Variants in PPP1R9B observed in about 807,000 individuals in gnomAD.
The protein encoded by PPP1R9B is neurabin-2.
Under a neutral mutation model 75.8 loss-of-function variants are expected in PPP1R9B, and 17 were observed. That is an observed-to-expected ratio of 0.22 (90% confidence interval 0.15 to 0.34). PPP1R9B has a LOEUF of 0.34. Ranked by LOEUF, PPP1R9B falls within the 10% of genes least tolerant of loss-of-function variation. PPP1R9B has a pLI of 1.00. For synonymous variants in PPP1R9B, 509 were observed against 535.4 expected, an observed-to-expected ratio of 0.95 and a Z score of 0.68; for missense variants, 875 against 1,196.0, an observed-to-expected ratio of 0.73 and a Z score of 3.96.
At position 50,136,142 on chromosome 17, in the gene PPP1R9B, T is replaced by A; in HGVS notation, c.2129A>T (p.Glu710Val). Residue 710 changes from glutamate (E) to valine (V), a missense_variant, in exon 8 of 10, where the codon GAG (glutamate) becomes GTG (valine). Transcript: ENST00000612501. ...GRWRVEKAQL[E>V]QSVEENKERM... ...CTCCTTGTTCTCCTCCACACTCTGC[T>A]CCAACTGCGCCTTCTCCACCCGCCA... is the stretch of plus-strand genomic sequence containing the variant. The A allele has an allele frequency of 6.2e-7, 1 of 1,605,876 alleles. No individual in the cohort carries two copies. Among genetic ancestry groups the A allele is most frequent in the Non-Finnish European group, 8.5e-7 (1 of 1,179,804 alleles).
At position 50,150,549 on chromosome 17, in the gene PPP1R9B, C is replaced by T. The variant is rs1463358172; in HGVS notation, c.-36G>A. The T allele has an allele frequency of 4.7e-6, 6 of 1,273,942 alleles. No individual in the cohort carries two copies. Among genetic ancestry groups the T allele is most frequent in the Admixed American group, 8.4e-5 (2 of 23,766 alleles). 78.9% of individuals were successfully genotyped at this position (1,273,942 alleles called of 1,614,324 possible). A position where few individuals can be genotyped will look rare whatever the true frequency, so the allele number is the denominator to read the frequency against. ...GCCGGGTTCGCATGCCCCTGCTCCC[C>T]GCTCCCCCGCTTCAACAGGCGGCTG... is the stretch of plus-strand genomic sequence containing the variant. On this transcript the variant is annotated 5_prime_UTR_variant, in exon 1 of 10. Transcript: ENST00000612501. The surrounding 1 kb of genome is among the most constrained non-coding windows in gnomAD (Gnocchi z 8.7).
In PPP1R9B at chr17:50,139,426, C is replaced by T. The variant is rs1054477621; in HGVS notation, c.2019+3G>A. 6.2e-7 allele frequency: 1 copy of T among 1,610,374 alleles called. No homozygotes were observed. The highest frequency in any genetic ancestry group is 1.3e-5 in the African/African-American group (1 of 75,020). On this transcript the variant is annotated splice_donor_region_variant and intron_variant, in intron 6 of 9. Coordinates refer to ENST00000612501, the MANE Select transcript of PPP1R9B (RefSeq NM_032595.5). This position sits in a 1 kb window ranked among gnomAD's most constrained non-coding sequence, Gnocchi z 5.0. Reference sequence around the variant, plus strand: ...CACCACTCCAGGGAGCCCCTCCTCCCACCTCCTTGAACTTGTGCACCAGCT... The same window carrying T: ...CACCACTCCAGGGAGCCCCTCCTCCTACCTCCTTGAACTTGTGCACCAGCT...
chr17:50,147,865 C>G (rs979530706), intron 1 of PPP1R9B, among the ~76,000 whole-genome samples: 6 of 152,102 alleles, frequency 3.9e-5, no homozygotes, highest in Non-Finnish European at 5.9e-5. Context: ...GGGGCAGAGG[C>G]TGACATTCTG....
chr17:50,139,833 T>G lies in PPP1R9B; in HGVS notation c.1867-252A>C, dbSNP rs559158987. 2.0e-5 allele frequency among the ~76,000 whole-genome samples: 3 copies of G among 152,330 alleles called. No individual in the cohort carries two copies. The highest frequency in any genetic ancestry group is 7.2e-5 in the African/African-American group (3 of 41,578). ...CTCTGAAGAAACAGCCTGTACTATC[T>G]TTCCCCTTCTGGATCTATCTCCCTT... On this transcript the variant is annotated intron_variant, in intron 5 of 9. Transcript: ENST00000612501. This position sits in a 1 kb window ranked among gnomAD's most constrained non-coding sequence, Gnocchi z 5.0.
rs745429876 is a variant in PPP1R9B at position 50,149,436 on chromosome 17, C to G, written c.1078G>C (p.Ala360Pro). Residue 360 changes from alanine (A) to proline (P), a missense_variant, in exon 1 of 10, where the codon GCG (alanine) becomes CCG (proline). By Grantham distance (27) the Ala-to-Pro change is conservative (BLOSUM62 -1). Around this residue, in one of 4 missense-constraint regions of PPP1R9B, gnomAD observed 449 missense variants for 475.0 expected, o/e 0.95. Coordinates refer to ENST00000612501, the MANE Select transcript of PPP1R9B (RefSeq NM_032595.5). This position sits in a 1 kb window ranked among gnomAD's most constrained non-coding sequence, Gnocchi z 7.2. ...AAPEKEAAAV[A>P]PPERGVGNGR... is the part of the protein sequence containing the mutation. The stretch of plus-strand genomic sequence containing the variant: ...TTGCCCACCCCCCTCTCTGGCGGCG[C>G]TACCGCCGCCGCCTCCTTCTCCGGG... The G allele has an allele frequency of 1.2e-6, 2 of 1,606,838 alleles. No individual in the cohort carries two copies. The highest frequency in any genetic ancestry group is 1.3e-5 in the African/African-American group (1 of 74,484).
At chr17:50,148,999 C>G (rs866886839) in intron 1 of PPP1R9B, 144 bp downstream of exon 1, 144 of 576,324 alleles carry the variant, frequency 2.5e-4, no homozygotes, top group African/African-American at 2.3e-3. Context: ...CCCACGCCCC[C>G]CTGAGGGTGG....
chr17:50,143,529 G>A lies in PPP1R9B; in HGVS notation c.1625+69C>T. ...GGCCCGCCCCACCCCCTGCTCAGTGGCCCACCCCACCAAGGATGGCCGGTC... is the reference window on the plus strand; with the variant it reads ...GGCCCGCCCCACCCCCTGCTCAGTGACCCACCCCACCAAGGATGGCCGGTC... On this transcript the variant is annotated intron_variant, in intron 3 of 9. Transcript: ENST00000612501. 4 of 1,590,078 alleles carry A rather than the reference G, an allele frequency of 2.5e-6. No individual in the cohort carries two copies. In the South Asian group the frequency reaches 4.5e-5, roughly 18 times the overall value.
chr17:50,136,697 G>T (rs1466913802), intron 7 of PPP1R9B, among the ~76,000 whole-genome samples: 1 of 151,998 alleles, frequency 6.6e-6, no homozygotes, highest in Non-Finnish European at 1.5e-5. Flanking sequence ...CAGCTTCCAG[G>T]TGACCCCAGC....
chr17:50,140,407 C>T, intron 4 of PPP1R9B, 179 bp from the exon 5 acceptor site: 2 of 838,332 alleles, frequency 2.4e-6, no homozygotes, highest in South Asian at 3.6e-5. Flanking sequence ...TATCAGGTTT[C>T]CTTCCCAAGG....
intron 1 of PPP1R9B, among the ~76,000 whole-genome samples, chr17:50,147,221 C>G (rs1403791097): frequency 6.6e-6 from 1 of 152,206 alleles, no homozygotes; most frequent in Non-Finnish European, 1.5e-5. Flanking sequence ...GGCTGCCCAC[C>G]ATGATATGCC....
chr17:50,140,376 G>T, intron 4 of PPP1R9B, 148 bp from the exon 5 acceptor site: 1 of 1,005,338 alleles, frequency 9.9e-7, no homozygotes, highest in Non-Finnish European at 1.4e-6. Flanking sequence ...TGTTAATAAT[G>T]AATGGGGGAA....
In PPP1R9B at chr17:50,150,161, G is replaced by A. The variant is rs1912656790; in HGVS notation, c.353C>T (p.Ser118Leu). 2.8e-6 allele frequency: 4 copies of A among 1,448,694 alleles called. No homozygotes were observed. In the African/African-American group the frequency reaches 4.4e-5, roughly 16 times the overall value. 89.7% of individuals were successfully genotyped at this position (1,448,694 alleles called of 1,614,324 possible). A position where few individuals can be genotyped will look rare whatever the true frequency, so the allele number is the denominator to read the frequency against. ...GGAGTCGAAGCGGCTCACGCGCTCC[G>A]ACACGCTGGTGCCCAGCTTCAGCAG... is the stretch of plus-strand genomic sequence containing the variant. ...SALLKLGTSV[S>L]ERVSRFDSKP... is the part of the protein sequence containing the mutation. Residue 118 changes from serine to leucine, a missense_variant, in exon 1 of 10, where the codon TCG becomes TTG. Ser to Leu is a moderately radical substitution (Grantham distance 145). Transcript: ENST00000612501. The surrounding 1 kb of genome is among the most constrained non-coding windows in gnomAD (Gnocchi z 8.7).
Position 50,149,126 on chromosome 17 carries a change from CGGGGGGG to C in PPP1R9B, c.1371+10_1371+16del, listed in dbSNP as rs1405554427. Reference sequence around the variant, plus strand: ...TGGCAGGGGCGGCGCGGGGGCAGGGCGGGGGGGCTCACTTACTTGGATGGGCGCCGTG... The same window carrying C: ...TGGCAGGGGCGGCGCGGGGGCAGGGCCTCACTTACTTGGATGGGCGCCGTG... On this transcript the variant is annotated intron_variant, in intron 1 of 9. Transcript: ENST00000612501. This position sits in a 1 kb window ranked among gnomAD's most constrained non-coding sequence, Gnocchi z 7.2. 2.5e-5 allele frequency: 28 copies of C among 1,108,518 alleles called. No homozygotes were observed. Among genetic ancestry groups the C allele is most frequent in the Non-Finnish European group, 3.3e-5 (28 of 839,524 alleles). The allele number at this position is 1,108,518 out of a possible 1,614,324, so 68.7% of individuals were successfully genotyped here.
chr17:50,140,028 G>C, intron 5 of PPP1R9B, 65 bp downstream of exon 5: 1 of 1,560,944 alleles, frequency 6.4e-7, no homozygotes, highest in Non-Finnish European at 8.7e-7. Flanking sequence ...AGAGGCAGAT[G>C]ACTGTAATGC....
At chr17:50,138,617 T>C (rs1037273951) in intron 7 of PPP1R9B, among the ~76,000 whole-genome samples, 1 of 152,140 alleles carries the variant, frequency 6.6e-6, no homozygotes, top group South Asian at 2.1e-4. Flanking sequence ...ACAGCTAATA[T>C]ACTGACTTTT....
At position 50,140,089 on chromosome 17, in the gene PPP1R9B, C is replaced by T. The variant is rs1217760785; in HGVS notation, c.1866+4G>A. 17 of 1,613,020 alleles carry T rather than the reference C, an allele frequency of 1.1e-5. No homozygotes were observed. The highest frequency in any genetic ancestry group is 6.7e-5 in the East Asian group (3 of 44,866). On this transcript the variant is annotated splice_donor_region_variant and intron_variant, in intron 5 of 9. Coordinates refer to ENST00000612501, the MANE Select transcript of PPP1R9B (RefSeq NM_032595.5). The stretch of plus-strand genomic sequence containing the variant: ...ACGCGGCCAGCCAGGCAGGGACTCC[C>T]TACCTCCTCGTCATCCTCCCCATAC...
At chr17:50,135,508 C>T (rs941908004) in intron 9 of PPP1R9B, 45 bp downstream of exon 9, 2 of 1,589,730 alleles carry the variant, frequency 1.3e-6, no homozygotes, top group Non-Finnish European at 1.7e-6. Flanking sequence ...GGCTTCAATG[C>T]TGCTCCCTCC....
Position 50,149,875 on chromosome 17 carries a change from G to T in PPP1R9B, c.639C>A (p.Ala213=), listed in dbSNP as rs1484782813. 1 of 1,494,634 alleles carries T rather than the reference G, an allele frequency of 6.7e-7. No homozygotes were observed. Among genetic ancestry groups the T allele is most frequent in the Admixed American group, 2.2e-5 (1 of 45,658 alleles). The allele number at this position is 1,494,634 out of a possible 1,614,324, so 92.6% of individuals were successfully genotyped here. A position where few individuals can be genotyped will look rare whatever the true frequency, so the allele number is the denominator to read the frequency against. ...AVSPTVSQLS[A]VFEKADSRTG... ...TCCTCGAGTCGGCCTTCTCGAAGACGGCGCTGAGCTGGCTGACCGTGGGGG... is the reference window on the plus strand; with the variant it reads ...TCCTCGAGTCGGCCTTCTCGAAGACTGCGCTGAGCTGGCTGACCGTGGGGG... Residue 213 remains alanine, a synonymous_variant, in exon 1 of 10, where the codon GCC becomes GCA. Coordinates refer to ENST00000612501, the MANE Select transcript of PPP1R9B (RefSeq NM_032595.5). The surrounding 1 kb of genome is among the most constrained non-coding windows in gnomAD (Gnocchi z 7.2).
chr17:50,146,757 G>A (rs190250053), intron 1 of PPP1R9B, among the ~76,000 whole-genome samples: 1 of 152,326 alleles, frequency 6.6e-6, no homozygotes, highest in Non-Finnish European at 1.5e-5. Flanking sequence ...ATAGTCCAGG[G>A]CACCAGGCCC....
Sources: gnomAD v4.1 joint callset for allele counts (sites outside exome capture counted in the v4.1 genomes callset) on GRCh38, gnomAD v4.1.1 for gene constraint, gnomAD v4.1.1 regional missense constraint, Gnocchi (gnomAD v3.1) non-coding constraint, MANE v1.5 for transcripts, NCBI Gene and HGNC (gene_info 2026-07-23, HGNC 2026-07-21) for gene names.